The following MICU3 variants were observed in gnomAD, a reference collection of about 807,000 sequenced individuals.
MICU3 encodes mitochondrial calcium uptake 3.
A neutral mutation model predicts 66.5 loss-of-function variants in MICU3; 62 were observed. The ratio of observed to expected loss-of-function variants is 0.93; its 90% CI spans 0.76 to 1.15. The LOEUF (loss-of-function observed/expected upper bound fraction) is 1.15. Among genes scored for constraint, MICU3 ranks in the 50% most tolerant of loss-of-function variants. MICU3 has a pLI of 0.00. For missense variants in MICU3, 779 were observed against 664.4 expected, an observed-to-expected ratio of 1.17 and a Z score of -1.90; for synonymous variants, 308 against 240.7, an observed-to-expected ratio of 1.28 and a Z score of -2.59.
intron 11 of MICU3, 23 bp downstream of exon 11, chr8:17,105,607 T>A (rs999537416): frequency 7.0e-7 from 1 of 1,435,872 alleles, no homozygotes; most frequent in Admixed American, 2.5e-5. Context: ...CATATTTAGT[T>A]GGTTATGTTA....
At chr8:17,116,369 C>A in intron 12 of MICU3, 74 bp from the exon 13 acceptor site, 1 of 1,008,974 alleles carries the variant, frequency 9.9e-7, no homozygotes, top group Non-Finnish European at 1.3e-6. Flanking sequence ...ACTTCTTTTA[C>A]AACCTTTCTA....
intron 1 of MICU3, among the ~76,000 whole-genome samples, chr8:17,041,884 T>C (rs2150528887): frequency 6.6e-6 from 1 of 152,310 alleles, no homozygotes; most frequent in South Asian, 2.1e-4. Context: ...TAAGAGGTGA[T>C]GTCATCTTCT....
At chr8:17,087,571 A>G (rs1451490420) in intron 7 of MICU3, among the ~76,000 whole-genome samples, 1 of 152,124 alleles carries the variant, frequency 6.6e-6, no homozygotes, top group African/African-American at 2.4e-5. Context: ...TATCTGAAGT[A>G]TTTCAGCCTG....
Position 17,114,216 on chromosome 8 carries a change from A to C in MICU3, c.1366+15A>C. On this transcript the variant is annotated intron_variant, in intron 12 of 14. Transcript: ENST00000318063. ...TATAGGGCAAGGTAAGTAATCATCT[A>C]CAAAAATTAAAAGCAAGAAGTAATA... 1 of 1,506,130 alleles carries C rather than the reference A, an allele frequency of 6.6e-7. No homozygotes were observed. Among genetic ancestry groups the C allele is most frequent in the Non-Finnish European group, 9.1e-7 (1 of 1,094,566 alleles). 93.3% of individuals were successfully genotyped at this position (1,506,130 alleles called of 1,614,324 possible).
intron 1 of MICU3, among the ~76,000 whole-genome samples, chr8:17,050,648 C>T (rs987310109): frequency 1.3e-5 from 2 of 152,148 alleles, no homozygotes; most frequent in Non-Finnish European, 1.5e-5. Context: ...TTGCTATTCT[C>T]TAACAGTTTT....
intron 1 of MICU3, among the ~76,000 whole-genome samples, chr8:17,050,364 CAT>C (rs1159873006): frequency 1.3e-5 from 2 of 151,728 alleles, no homozygotes; most frequent in Non-Finnish European, 2.9e-5. Flanking sequence ...CATATTGACA[CAT>C]GTACTTCTAG....
chr8:17,090,538 T>C lies in MICU3; in HGVS notation c.850-8T>C, dbSNP rs1211590874. On this transcript the variant is annotated splice_region_variant and splice_polypyrimidine_tract_variant and intron_variant, in intron 7 of 14. Transcript: ENST00000318063. ...ACACTTCATTTGGCCCTTTGTGCTC[T>C]ATGTCAGCGTCTTCAACTTTATGGA... is the stretch of plus-strand genomic sequence containing the variant. 3 of 1,610,194 alleles carry C rather than the reference T, an allele frequency of 1.9e-6. No homozygotes were observed. The highest frequency in any genetic ancestry group is 1.3e-5 in the African/African-American group (1 of 74,678).
intron 11 of MICU3, among the ~76,000 whole-genome samples, chr8:17,112,463 C>G (rs1467473175): frequency 1.3e-5 from 2 of 152,134 alleles, no homozygotes; most frequent in South Asian, 2.1e-4. Flanking sequence ...GACTGTCTGT[C>G]CCTCTTGGCC....
At chr8:17,043,064 C>A (rs993503185) in intron 1 of MICU3, among the ~76,000 whole-genome samples, 1 of 150,690 alleles carries the variant, frequency 6.6e-6, no homozygotes, top group Non-Finnish European at 1.5e-5. Flanking sequence ...CTCAGCCTCC[C>A]GAGTAGCTGG....
chr8:17,039,549 G>T (rs947204914), intron 1 of MICU3, among the ~76,000 whole-genome samples: 3 of 152,108 alleles, frequency 2.0e-5, no homozygotes, highest in Admixed American at 2.0e-4. Flanking sequence ...TTACTTTTCA[G>T]TTTTAGTAAA....
intron 1 of MICU3, among the ~76,000 whole-genome samples, chr8:17,029,675 G>A (rs1274370276): frequency 2.0e-5 from 3 of 151,986 alleles, no homozygotes; most frequent in Admixed American, 1.3e-4. Context: ...AAACTTTTAT[G>A]ATCTGTTTAT....
intron 1 of MICU3, among the ~76,000 whole-genome samples, chr8:17,048,650 C>G (rs1017729484): frequency 6.6e-6 from 1 of 152,192 alleles, no homozygotes; most frequent in Admixed American, 6.6e-5. Flanking sequence ...GGGATTCACT[C>G]TGTCACCCAG....
At chr8:17,095,443 A>G (rs1663418336) in intron 8 of MICU3, among the ~76,000 whole-genome samples, 1 of 151,914 alleles carries the variant, frequency 6.6e-6, no homozygotes, top group Non-Finnish European at 1.5e-5. Flanking sequence ...TGGTTGTCAT[A>G]GTGACACGAA....
intron 5 of MICU3, among the ~76,000 whole-genome samples, chr8:17,082,833 T>G (rs1821399524): frequency 6.6e-6 from 1 of 152,168 alleles, no homozygotes; most frequent in Non-Finnish European, 1.5e-5. Flanking sequence ...GGAATGACGT[T>G]AACATTGAGT....
chr8:17,046,223 C>T (rs1815057222), intron 1 of MICU3, among the ~76,000 whole-genome samples: 1 of 152,116 alleles, frequency 6.6e-6, no homozygotes, highest in African/African-American at 2.4e-5. Flanking sequence ...GAGCCCTTAA[C>T]CTGTGGGATC....
chr8:17,059,104 CT>C (rs1278472902), intron 1 of MICU3, among the ~76,000 whole-genome samples: 1 of 152,178 alleles, frequency 6.6e-6, no homozygotes, highest in African/African-American at 2.4e-5. Flanking sequence ...AAATATTCAT[CT>C]TGGAAACTAT....
intron 6 of MICU3, 42 bp from the exon 7 acceptor site, chr8:17,086,922 A>G: frequency 1.5e-6 from 2 of 1,371,824 alleles, no homozygotes; most frequent in Non-Finnish European, 2.1e-6. Context: ...GTGCCCAGAA[A>G]CTCTTGTTGG....
chr8:17,062,181 T>C (rs1189851238), intron 1 of MICU3, among the ~76,000 whole-genome samples: 1 of 152,208 alleles, frequency 6.6e-6, no homozygotes, highest in Non-Finnish European at 1.5e-5. Flanking sequence ...CTTTCAAATA[T>C]GCTGTAGAAA....
intron 8 of MICU3, among the ~76,000 whole-genome samples, chr8:17,096,897 T>C (rs940801096): frequency 6.6e-6 from 1 of 151,756 alleles, no homozygotes; most frequent in Admixed American, 6.6e-5. Flanking sequence ...CTTTTTCTTG[T>C]CCACAAAATA....
Sources: gnomAD v4.1 joint callset for allele counts (sites outside exome capture counted in the v4.1 genomes callset) on GRCh38, gnomAD v4.1.1 for gene constraint, MANE v1.5 for transcripts, NCBI Gene and HGNC (gene_info 2026-07-23, HGNC 2026-07-21) for gene names.